CD82: variants seen among roughly 807,000 people sequenced by gnomAD.
CD82 encodes the protein CD82 antigen.
Under a neutral mutation model 37.4 loss-of-function variants are expected in CD82, and 36 were observed. The ratio of observed to expected loss-of-function variants is 0.96; its 90% CI spans 0.74 to 1.27. The LOEUF (loss-of-function observed/expected upper bound fraction) is 1.27. CD82 is among the 50% of genes most tolerant of loss of function. The pLI is 0.00. For synonymous variants in CD82, 158 were observed against 137.4 expected, an observed-to-expected ratio of 1.15 and a Z score of -1.05; for missense variants, 340 against 347.0, an observed-to-expected ratio of 0.98 and a Z score of 0.16.
chr11:44,616,559 G>A (rs1001620295), intron 7 of CD82, among the ~76,000 whole-genome samples: 8 of 152,270 alleles, frequency 5.3e-5, no homozygotes, highest in South Asian at 4.2e-4. Flanking sequence ...TGCTTAGGCC[G>A]GTGGTAAGTC....
Position 44,582,462 on chromosome 11 carries a change from G to T in CD82, c.-102-5013G>T, listed in dbSNP as rs149574720. Among the ~76,000 whole-genome samples the T allele has an allele frequency of 2.0e-5, 3 of 152,270 alleles. No individual in the cohort carries two copies. The East Asian group carries it at 5.8e-4, about 29-fold the overall frequency. ...ATGCTTACAGCCTTGGGTTTGGCAC[G>T]CTGATTCTGGTTTCCTCTTGGAGGG... On this transcript the variant is annotated intron_variant, in intron 1 of 9. Coordinates refer to ENST00000227155, the MANE Select transcript of CD82 (RefSeq NM_002231.4).
chr11:44,618,874 A>G, intron 9 of CD82, 151 bp downstream of exon 9: 1 of 838,198 alleles, frequency 1.2e-6, no homozygotes, highest in Non-Finnish European at 1.9e-6. Flanking sequence ...TGGCTGTGTG[A>G]CCTCAGACAA....
chr11:44,570,743 C>T (rs1351244763), intron 1 of CD82, among the ~76,000 whole-genome samples: 1 of 152,254 alleles, frequency 6.6e-6, no homozygotes, highest in African/African-American at 2.4e-5. Context: ...GAGAGGGGAA[C>T]AGCATGACTT....
intron 4 of CD82, among the ~76,000 whole-genome samples, chr11:44,602,941 C>G (rs1853328796): frequency 6.6e-6 from 1 of 152,146 alleles, no homozygotes; most frequent in Non-Finnish European, 1.5e-5. Context: ...GGGGTCCTTG[C>G]AGACAAATCA....
chr11:44,576,007 C>T (rs773675152), intron 1 of CD82, among the ~76,000 whole-genome samples: 15 of 152,272 alleles, frequency 9.9e-5, no homozygotes, highest in African/African-American at 1.7e-4. Context: ...AACACTGCAC[C>T]GGCCCCAAGT....
intron 2 of CD82, among the ~76,000 whole-genome samples, chr11:44,589,075 G>A (rs1853102346): frequency 6.6e-6 from 1 of 152,150 alleles, no homozygotes; most frequent in Non-Finnish European, 1.5e-5. Context: ...TGGCCAACAC[G>A]GCAAAACCCT....
intron 1 of CD82, chr11:44,585,248 T>C: frequency 2.2e-6 from 1 of 456,254 alleles, no homozygotes. Flanking sequence ...AGACTGTTGG[T>C]CAGGAAAGCA....
Position 44,608,405 on chromosome 11 carries a change from C to T in CD82, c.336+2976C>T, listed in dbSNP as rs189364282. Among the ~76,000 whole-genome samples, 286 of 152,238 alleles carry T rather than the reference C, an allele frequency of 1.9e-3. 1 individual carries two copies. Among genetic ancestry groups the T allele is most frequent in the African/African-American group, 6.6e-3 (276 of 41,546 alleles). ...CCTGTCACCTCTGGAGCCTTGGGTTCTGCTTCTATAAATTGAGAATAAATC... is the reference window on the plus strand; with the variant it reads ...CCTGTCACCTCTGGAGCCTTGGGTTTTGCTTCTATAAATTGAGAATAAATC... On this transcript the variant is annotated intron_variant, in intron 6 of 9. Transcript: ENST00000227155.
In CD82 at chr11:44,619,310, A is replaced by T. The variant is rs1565097750; in HGVS notation, c.*184A>T. Reference sequence around the variant, plus strand: ...CCTGGCCTATCCGCTGCCAGCCTTGAGCCCTGGCTGTTCTGTGGTTCCTCT... The same window carrying T: ...CCTGGCCTATCCGCTGCCAGCCTTGTGCCCTGGCTGTTCTGTGGTTCCTCT... On this transcript the variant is annotated 3_prime_UTR_variant, in exon 10 of 10. Coordinates refer to ENST00000227155, the MANE Select transcript of CD82 (RefSeq NM_002231.4). The T allele has an allele frequency of 1.7e-6, 1 of 592,750 alleles. No individual in the cohort carries two copies. The highest frequency in any genetic ancestry group is 3.0e-6 in the Non-Finnish European group (1 of 330,996). 36.7% of individuals were successfully genotyped at this position (592,750 alleles called of 1,614,324 possible). A position where few individuals can be genotyped will look rare whatever the true frequency, so the allele number is the denominator to read the frequency against.
chr11:44,609,477 C>A (rs768637530), intron 6 of CD82, among the ~76,000 whole-genome samples: 8 of 152,050 alleles, frequency 5.3e-5, no homozygotes, highest in South Asian at 4.2e-4. Flanking sequence ...CTCACTTGGC[C>A]TGGCTGGGAG....
intron 2 of CD82, among the ~76,000 whole-genome samples, chr11:44,592,126 A>T (rs1393689523): frequency 6.6e-6 from 1 of 152,110 alleles, no homozygotes; most frequent in Non-Finnish European, 1.5e-5. Context: ...GCCTATACTT[A>T]TTCTTTTCTA....
In CD82 at chr11:44,619,204, G is replaced by A; in HGVS notation, c.*78G>A. The A allele has an allele frequency of 3.5e-6, 4 of 1,159,364 alleles. No homozygotes were observed. Among genetic ancestry groups the A allele is most frequent in the South Asian group, 1.2e-5 (1 of 82,098 alleles). 71.8% of individuals were successfully genotyped at this position (1,159,364 alleles called of 1,614,324 possible). ...GGGTCTCCCTGGCTCCCTCCTCCAG[G>A]CCTGCCTCCCACTTCACTGCGAAGA... On this transcript the variant is annotated 3_prime_UTR_variant, in exon 10 of 10. Coordinates refer to ENST00000227155, the MANE Select transcript of CD82 (RefSeq NM_002231.4).
chr11:44,604,896 G>A (rs1385530644), intron 4 of CD82, 162 bp from the exon 5 acceptor site: 7 of 899,364 alleles, frequency 7.8e-6, no homozygotes, highest in Non-Finnish European at 1.2e-5. Flanking sequence ...GTGGGGATGG[G>A]GGTGACCTGG....
At chr11:44,568,536 TAGA>T (rs969653630) in intron 1 of CD82, among the ~76,000 whole-genome samples, 6 of 146,854 alleles carry the variant, frequency 4.1e-5, no homozygotes, top group African/African-American at 9.8e-5. Context: ...GCGGGATGGT[TAGA>T]AGAAGTGCCT....
chr11:44,580,422 A>G (rs1207116871), intron 1 of CD82, among the ~76,000 whole-genome samples: 3 of 152,188 alleles, frequency 2.0e-5, no homozygotes, highest in Admixed American at 1.3e-4. Context: ...GAAAAGTTAA[A>G]TGACAGTTAG....
rs1428757886 is a variant in CD82, at chr11:44,618,238, A to C, written c.515A>C (p.Tyr172Ser). 2 of 1,613,872 alleles carry C rather than the reference A, an allele frequency of 1.2e-6. No homozygotes were observed. Residue 172 changes from tyrosine (Y) to serine (S), a missense_variant, in exon 8 of 10, where the codon TAC becomes TCC. Tyr to Ser is a moderately radical substitution (Grantham distance 144). Transcript: ENST00000227155. Reference protein sequence around the residue: ...AELMNRPEVTYPCSCEVKGEE... With the variant: ...AELMNRPEVTSPCSCEVKGEE... ...CTCATGAATCGCCCTGAGGTCACCT[A>C]CCCCTGTTCCTGCGAAGTCAAGGGG...
At chr11:44,564,696 C>T (rs1389919309), upstream of CD82, among the ~76,000 whole-genome samples, 1 of 152,206 alleles carries the variant, frequency 6.6e-6, no homozygotes, top group Non-Finnish European at 1.5e-5. Context: ...CCCACACCTC[C>T]TCCCTCACCT....
intron 3 of CD82, among the ~76,000 whole-genome samples, chr11:44,598,435 G>A (rs1476416401): frequency 3.1e-4 from 4 of 12,930 alleles, no homozygotes; most frequent in African/African-American, 4.6e-4. Context: ...TTTTTGAGAC[G>A]GAGTCTCACT....
rs774394673 is a variant in CD82, at chr11:44,615,331, C to T, written c.396C>T (p.Arg132=). ...TELIRDYNSS[R]EDSLQDAWDY... The stretch of plus-strand genomic sequence containing the variant: ...TCATTCGAGACTACAACAGCAGTCG[C>T]GAGGACAGCCTGCAGGATGCCTGGG... The change falls in exon 7 of 10, where the codon CGC becomes CGT. Residue 132 remains arginine (R), a synonymous_variant. Coordinates refer to ENST00000227155, the MANE Select transcript of CD82 (RefSeq NM_002231.4). The T allele has an allele frequency of 6.8e-6, 11 of 1,613,604 alleles. No homozygotes were observed. Among genetic ancestry groups the T allele is most frequent in the South Asian group, 5.5e-5 (5 of 91,082 alleles).
Sources: allele counts gnomAD v4.1 joint callset (sites outside exome capture counted in the v4.1 genomes callset), GRCh38; gene constraint gnomAD v4.1.1; transcripts MANE v1.5; gene names NCBI Gene and HGNC (gene_info 2026-07-23, HGNC 2026-07-21).